MAP3K20: variants seen among roughly 807,000 people sequenced by gnomAD.
MAP3K20 encodes HCCS-4.
Under a neutral mutation model 85.7 loss-of-function variants are expected in MAP3K20, and 40 were observed. That is an observed-to-expected ratio of 0.47 (90% CI 0.36 to 0.61). The LOEUF is 0.61. Among genes scored for constraint, MAP3K20 ranks in the 20% least tolerant of loss-of-function variants. The pLI, the probability that MAP3K20 is intolerant of heterozygous loss-of-function variation, is 0.00. For missense variants in MAP3K20, 817 were observed against 961.7 expected (o/e 0.85, Z 1.99); for synonymous variants, 325 against 327.7 (o/e 0.99, Z 0.09).
chr2:173,115,861 G>A (rs796123432), intron 2 of MAP3K20, among the ~76,000 whole-genome samples: 18 of 152,144 alleles, frequency 1.2e-4, no homozygotes, highest in Admixed American at 3.3e-4. Context: ...GCTTTGGTCC[G>A]TGCTTTGCTT....
intron 5 of MAP3K20, among the ~76,000 whole-genome samples, chr2:173,189,745 C>G (rs1055463316): frequency 6.6e-5 from 10 of 152,154 alleles, no homozygotes; most frequent in African/African-American, 2.2e-4. Flanking sequence ...CTATTCTAAC[C>G]ATTAATCTGT....
chr2:173,213,849 T>C (rs1683987595), intron 10 of MAP3K20, among the ~76,000 whole-genome samples: 1 of 152,226 alleles, frequency 6.6e-6, no homozygotes, highest in Admixed American at 6.5e-5. Context: ...TCTAACTCAA[T>C]ATGTAAACTG....
chr2:173,217,483 TAAG>T (rs2106315667), intron 11 of MAP3K20, among the ~76,000 whole-genome samples: 1 of 152,356 alleles, frequency 6.6e-6, no homozygotes, highest in South Asian at 2.1e-4. Context: ...GCTCCTTCCT[TAAG>T]AACTGTTATT....
At chr2:173,154,691 T>A (rs1476879916) in intron 2 of MAP3K20, among the ~76,000 whole-genome samples, 1 of 152,238 alleles carries the variant, frequency 6.6e-6, no homozygotes, top group Non-Finnish European at 1.5e-5. Flanking sequence ...TCTGATGCAC[T>A]CTGCCATCCT....
intron 10 of MAP3K20, among the ~76,000 whole-genome samples, chr2:173,213,798 A>C (rs1379403036): frequency 1.3e-5 from 2 of 152,238 alleles, no homozygotes; most frequent in Non-Finnish European, 2.9e-5. Context: ...TTTAGCTAAG[A>C]GAAATATTAC....
intron 1 of MAP3K20, among the ~76,000 whole-genome samples, chr2:173,084,131 C>A (rs1453258414): frequency 6.6e-6 from 1 of 151,984 alleles, no homozygotes; most frequent in Non-Finnish European, 1.5e-5. Context: ...CTATGTTGCC[C>A]CAGCTGAGCT....
Position 173,224,709 on chromosome 2 carries a change from T to C in MAP3K20, c.988-4980T>C, listed in dbSNP as rs192681433. Reference sequence around the variant, plus strand: ...TGGCTCTATTACTTTCTGTTCCCAATGTCCTTCTAGTGGTTTGAAAATGTT... The same window carrying C: ...TGGCTCTATTACTTTCTGTTCCCAACGTCCTTCTAGTGGTTTGAAAATGTT... On this transcript the variant is annotated intron_variant, in intron 11 of 19. Coordinates refer to ENST00000375213, the MANE Select transcript of MAP3K20 (RefSeq NM_016653.3). 2.2e-5 allele frequency: 22 copies of C among 985,450 alleles called. No homozygotes were observed. The East Asian group carries it at 1.6e-3, about 71-fold the overall frequency. The allele number at this position is 985,450 out of a possible 1,614,324, so 61.0% of individuals were successfully genotyped here.
At chr2:173,222,344 A>G in intron 11 of MAP3K20, 1 of 985,930 alleles carries the variant, frequency 1.0e-6, no homozygotes, top group Non-Finnish European at 1.2e-6. Flanking sequence ...CAGCTGCTCA[A>G]AGTAAAGCCT....
intron 16 of MAP3K20, among the ~76,000 whole-genome samples, chr2:173,244,158 C>G (rs1234547857): frequency 6.6e-6 from 1 of 152,050 alleles, no homozygotes; most frequent in East Asian, 1.9e-4. Context: ...CAGGAGGGTG[C>G]TGAGGTTTCT....
At chr2:173,132,911 T>C (rs75041565) in intron 2 of MAP3K20, among the ~76,000 whole-genome samples, 3,194 of 152,324 alleles carry the variant, frequency 0.021, 96 homozygotes, top group African/African-American at 0.072. Context: ...ATGTTAGAAA[T>C]GTATCCTGAG....
At chr2:173,079,741 G>A (rs1015554464) in intron 1 of MAP3K20, among the ~76,000 whole-genome samples, 2 of 152,026 alleles carry the variant, frequency 1.3e-5, no homozygotes, top group African/African-American at 2.4e-5. Context: ...GGTTAGGATC[G>A]TCAATATCAC....
intron 2 of MAP3K20, among the ~76,000 whole-genome samples, chr2:173,153,771 A>T (rs1689373831): frequency 6.6e-6 from 1 of 152,204 alleles, no homozygotes. Flanking sequence ...TAGTATTTGC[A>T]CAGAACCTAC....
intron 2 of MAP3K20, among the ~76,000 whole-genome samples, chr2:173,140,302 G>A (rs183966234): frequency 2.5e-4 from 37 of 146,292 alleles, no homozygotes; most frequent in African/African-American, 7.9e-4. Flanking sequence ...GAGCCACCAC[G>A]CCCAGCCACA....
chr2:173,150,376 C>G (rs1436833563), intron 2 of MAP3K20, among the ~76,000 whole-genome samples: 2 of 152,144 alleles, frequency 1.3e-5, no homozygotes, highest in African/African-American at 4.8e-5. Context: ...GACATGTGTT[C>G]TAACACTTTT....
intron 9 of MAP3K20, among the ~76,000 whole-genome samples, chr2:173,204,818 A>G (rs1347734129): frequency 2.0e-5 from 3 of 152,160 alleles, no homozygotes. Flanking sequence ...AAAAATAAAA[A>G]ATAGGCTGGG....
chr2:173,226,591 G>A, intron 11 of MAP3K20: 1 of 985,832 alleles, frequency 1.0e-6, no homozygotes, highest in Non-Finnish European at 1.2e-6. Flanking sequence ...AAATCTAGAA[G>A]ACTAGCCGTG....
At chr2:173,234,781 C>T (rs1443966433) in intron 14 of MAP3K20, among the ~76,000 whole-genome samples, 4 of 152,072 alleles carry the variant, frequency 2.6e-5, no homozygotes, top group Non-Finnish European at 4.4e-5. Flanking sequence ...AAGGTGGGGC[C>T]GGATCCTGGA....
intron 2 of MAP3K20, among the ~76,000 whole-genome samples, chr2:173,099,871 G>C (rs777571977): frequency 7.9e-5 from 12 of 152,210 alleles, no homozygotes; most frequent in Non-Finnish European, 1.8e-4. Flanking sequence ...CACATCATAA[G>C]AGTTGTTGAG....
chr2:173,103,503 A>G (rs1002107869), intron 2 of MAP3K20, among the ~76,000 whole-genome samples: 1 of 152,242 alleles, frequency 6.6e-6, no homozygotes, highest in Non-Finnish European at 1.5e-5. Context: ...AAAAGGATTT[A>G]AGATTATTAG....
Sources: gnomAD v4.1 joint callset for allele counts (sites outside exome capture counted in the v4.1 genomes callset) on GRCh38, gnomAD v4.1.1 for gene constraint, MANE v1.5 for transcripts, NCBI Gene and HGNC (gene_info 2026-07-23, HGNC 2026-07-21) for gene names.